Variants in TET1 observed in about 807,000 individuals in gnomAD.
TET1 encodes the protein tet methylcytosine dioxygenase 1, also known as methylcytosine dioxygenase TET1.
In TET1, 13 loss-of-function variants were observed where a neutral mutation model predicts 148.7. The observed-to-expected ratio is 0.09, with a 90% confidence interval of 0.06 to 0.14. The LOEUF (loss-of-function observed/expected upper bound fraction) is 0.14, where lower values mean the gene tolerates loss of function less well. TET1 is among the 10% of genes least tolerant of loss of function. TET1 has a pLI of 1.00. For synonymous variants in TET1, 907 were observed against 937.2 expected, an observed-to-expected ratio of 0.97 and a Z score of 0.59; for missense variants, 2,182 against 2,553.8, an observed-to-expected ratio of 0.85 and a Z score of 3.14.
chr10:68,686,625 A>G lies in TET1; in HGVS notation c.5322A>G (p.Glu1774=). 6.2e-7 allele frequency: 1 copy of G among 1,614,186 alleles called. No homozygotes were observed. The highest frequency in any genetic ancestry group is 8.5e-7 in the Non-Finnish European group (1 of 1,180,032). ...EVLAHKIRAV[E]KKPIPRIKRK... Reference sequence around the variant, plus strand: ...TTGCACATAAGATAAGGGCAGTGGAAAAGAAACCTATTCCCCGAATCAAGC... The same window carrying G: ...TTGCACATAAGATAAGGGCAGTGGAGAAGAAACCTATTCCCCGAATCAAGC... Residue 1774 remains glutamate, a synonymous_variant, in exon 11 of 12, where the codon GAA becomes GAG. Coordinates refer to ENST00000373644, the MANE Select transcript of TET1 (RefSeq NM_030625.3).
chr10:68,689,359 T>C (rs1467172335), intron 11 of TET1, among the ~76,000 whole-genome samples: 1 of 152,190 alleles, frequency 6.6e-6, no homozygotes, highest in Non-Finnish European at 1.5e-5. Context: ...CTTTACCTTT[T>C]CTTGGTCCTA....
At chr10:68,677,053 T>C (rs768262610) in intron 8 of TET1, among the ~76,000 whole-genome samples, 2 of 152,240 alleles carry the variant, frequency 1.3e-5, no homozygotes, top group Non-Finnish European at 2.9e-5. Context: ...GCAAAGTTCA[T>C]GGCAACAGTT....
chr10:68,597,853 AGAAAAATACTATAT>A (rs1414921232), intron 2 of TET1, among the ~76,000 whole-genome samples: 2 of 152,256 alleles, frequency 1.3e-5, no homozygotes, highest in African/African-American at 4.8e-5. Context: ...AGAAACGAAA[AGAAAAATACTATAT>A]GAAAAATACT....
At chr10:68,602,310 T>G (rs889798254) in intron 3 of TET1, among the ~76,000 whole-genome samples, 1 of 152,206 alleles carries the variant, frequency 6.6e-6, no homozygotes, top group Non-Finnish European at 1.5e-5. Flanking sequence ...CCCCATTTAT[T>G]CCTTTTCCTT....
At chr10:68,624,636 CTT>C (rs1348268933) in intron 3 of TET1, among the ~76,000 whole-genome samples, 58 of 45,210 alleles carry the variant, frequency 1.3e-3, no homozygotes, top group Middle Eastern at 9.1e-3. Flanking sequence ...TTCTTTCTTT[CTT>C]TCTTTCTTTC....
At chr10:68,594,734 T>C (rs1336418949) in intron 2 of TET1, among the ~76,000 whole-genome samples, 1 of 152,110 alleles carries the variant, frequency 6.6e-6, no homozygotes, top group African/African-American at 2.4e-5. Flanking sequence ...CTCCCTGCAC[T>C]TTGGGAGGCT....
intron 2 of TET1, among the ~76,000 whole-genome samples, chr10:68,592,991 T>A (rs904421484): frequency 1.3e-5 from 2 of 152,084 alleles, no homozygotes; most frequent in African/African-American, 4.8e-5. Flanking sequence ...ATCCCAGCAC[T>A]TTCAGAGGCC....
intron 3 of TET1, among the ~76,000 whole-genome samples, chr10:68,627,453 G>A (rs1401750667): frequency 2.0e-5 from 3 of 151,698 alleles, no homozygotes; most frequent in African/African-American, 4.8e-5. Flanking sequence ...AAAATTAGGC[G>A]GATATGGTGC....
chr10:68,694,080 T>G lies in TET1; in HGVS notation c.*2266T>G, dbSNP rs542669367. The G allele has an allele frequency of 4.3e-6, 1 of 232,288 alleles. No homozygotes were observed. The highest frequency in any genetic ancestry group is 2.2e-5 in the African/African-American group (1 of 45,454). 14.4% of individuals were successfully genotyped at this position (232,288 alleles called of 1,614,324 possible). Reference sequence around the variant, plus strand: ...ATGGTAATGTATGCAGTAATTCAAATTGATCTCTCTCTCAATAGGTTTCTT... The same window carrying G: ...ATGGTAATGTATGCAGTAATTCAAAGTGATCTCTCTCTCAATAGGTTTCTT... On this transcript the variant is annotated 3_prime_UTR_variant, in exon 12 of 12. Coordinates refer to ENST00000373644, the MANE Select transcript of TET1 (RefSeq NM_030625.3).
rs2054821700 is a variant in TET1, at chr10:68,645,185, G to A, written c.2456G>A (p.Arg819Lys). The A allele has an allele frequency of 6.2e-7, 1 of 1,614,028 alleles. No homozygotes were observed. The highest frequency in any genetic ancestry group is 1.7e-5 in the Admixed American group (1 of 60,002). ...ATGAGTTGTGATCATCTCAAGGGGA[G>A]AAGTAACGTTTTAGTATTCCAGCAG... is the stretch of plus-strand genomic sequence containing the variant. Reference protein sequence around the residue: ...TDMSCDHLKGRSNVLVFQQPG... With the variant: ...TDMSCDHLKGKSNVLVFQQPG... Residue 819 changes from arginine to lysine, a missense_variant, in exon 4 of 12, where the codon AGA becomes AAA. Arg to Lys is a conservative substitution (Grantham distance 26). Coordinates refer to ENST00000373644, the MANE Select transcript of TET1 (RefSeq NM_030625.3).
intron 2 of TET1, among the ~76,000 whole-genome samples, chr10:68,592,219 G>A (rs1172706465): frequency 6.6e-6 from 1 of 151,960 alleles, no homozygotes; most frequent in African/African-American, 2.4e-5. Context: ...GGGAGGCTGA[G>A]GCATGAGAAT....
intron 6 of TET1, among the ~76,000 whole-genome samples, chr10:68,660,442 C>T (rs1218974378): frequency 6.8e-6 from 1 of 147,188 alleles, no homozygotes; most frequent in Non-Finnish European, 1.5e-5. Context: ...TGGTTTCAAG[C>T]GATTCTCCTG....
At chr10:68,633,603 A>AT (rs1255736463) in intron 3 of TET1, among the ~76,000 whole-genome samples, 3 of 152,086 alleles carry the variant, frequency 2.0e-5, no homozygotes, top group Non-Finnish European at 2.9e-5. Context: ...TACTTGTAAT[A>AT]TTTTTTGTAG....
chr10:68,670,210 C>G (rs546546613), intron 7 of TET1, among the ~76,000 whole-genome samples: 8 of 152,230 alleles, frequency 5.3e-5, no homozygotes, highest in Middle Eastern at 3.4e-3. Context: ...CATCTTAGTT[C>G]ATATTCAAAT....
chr10:68,607,784 A>G (rs1371144142), intron 3 of TET1, among the ~76,000 whole-genome samples: 1 of 148,500 alleles, frequency 6.7e-6, no homozygotes, highest in African/African-American at 2.5e-5. Context: ...ATATATATAT[A>G]TGAATATATA....
chr10:68,645,901 T>A lies in TET1; in HGVS notation c.3172T>A (p.Leu1058Met). ...CNQLLDSSKK[L>M]DSDDLSCQDA... ...CCAGTTACTGGACAGCAGCAAAAAA[T>A]TGGACTCAGATGATCTATCATGTCA... The change falls in exon 4 of 12, where the codon TTG becomes ATG. Residue 1058 changes from leucine to methionine, a missense_variant. By Grantham distance (15) the Leu-to-Met change is conservative. Coordinates refer to ENST00000373644, the MANE Select transcript of TET1 (RefSeq NM_030625.3). 6.2e-7 allele frequency: 1 copy of A among 1,612,430 alleles called. No individual in the cohort carries two copies. The highest frequency in any genetic ancestry group is 8.5e-7 in the Non-Finnish European group (1 of 1,179,712).
chr10:68,673,402 C>A, intron 8 of TET1: 1 of 390,524 alleles, frequency 2.6e-6, no homozygotes. Context: ...TACCCACAGA[C>A]CTACTATGAA....
At position 68,693,509 on chromosome 10, in the gene TET1, A is replaced by G. The variant is rs2055619025; in HGVS notation, c.*1695A>G. On this transcript the variant is annotated 3_prime_UTR_variant, in exon 12 of 12. Coordinates refer to ENST00000373644, the MANE Select transcript of TET1 (RefSeq NM_030625.3). ...GCAAAGTATCTGTTTTGAGCTTTTG[A>G]CTAATCCAAGTAAAGGAATATGAAG... The G allele has an allele frequency of 8.6e-6, 2 of 233,304 alleles. No individual in the cohort carries two copies. Among genetic ancestry groups the G allele is most frequent in the Admixed American group, 1.1e-4 (2 of 17,796 alleles). 14.5% of individuals were successfully genotyped at this position (233,304 alleles called of 1,614,324 possible).
At chr10:68,641,492 ATTT>A (rs1490571111) in intron 3 of TET1, among the ~76,000 whole-genome samples, 2 of 150,330 alleles carry the variant, frequency 1.3e-5, no homozygotes, top group East Asian at 1.9e-4. Context: ...TTATTTATTT[ATTT>A]ATTTAATTTT....
Sources: allele counts gnomAD v4.1 joint callset (sites outside exome capture counted in the v4.1 genomes callset), GRCh38; gene constraint gnomAD v4.1.1; transcripts MANE v1.5; gene names NCBI Gene and HGNC (gene_info 2026-07-23, HGNC 2026-07-21).